ST8SIA1: variants seen among roughly 807,000 people sequenced by gnomAD.
ST8SIA1 encodes ST8 alpha-N-acetyl-neuraminide alpha-2,8-sialyltransferase 1, also known as alpha-N-acetylneuraminide alpha-2,8-sialyltransferase.
Under a neutral mutation model 35.9 loss-of-function variants are expected in ST8SIA1, and 16 were observed. That is an observed-to-expected ratio of 0.45 (90% CI 0.30 to 0.68). The LOEUF is 0.68. Among genes scored for constraint, ST8SIA1 ranks in the 30% least tolerant of loss-of-function variants. ST8SIA1 has a pLI of 0.09. For missense variants in ST8SIA1, 383 were observed against 453.6 expected (o/e 0.84, Z 1.41); for synonymous variants, 170 against 169.6 (o/e 1.00, Z -0.02).
chr12:22,268,339 CCTACA>C (rs1865870596), intron 2 of ST8SIA1, among the ~76,000 whole-genome samples: 6 of 152,100 alleles, frequency 3.9e-5, no homozygotes, highest in Admixed American at 3.3e-4. Flanking sequence ...AAATGAAATG[CCTACA>C]CAATTCAAGC....
intron 4 of ST8SIA1, among the ~76,000 whole-genome samples, chr12:22,247,357 T>C (rs1206463879): frequency 6.6e-6 from 1 of 152,136 alleles, no homozygotes; most frequent in African/African-American, 2.4e-5. Flanking sequence ...GATGTCACCT[T>C]TGGGGGAAAC....
At chr12:22,215,680 C>T (rs1591825723) in intron 4 of ST8SIA1, among the ~76,000 whole-genome samples, 1 of 152,194 alleles carries the variant, frequency 6.6e-6, no homozygotes, top group Non-Finnish European at 1.5e-5. Context: ...GAAAAGATTG[C>T]ACAACCATCC....
intron 1 of ST8SIA1, among the ~76,000 whole-genome samples, chr12:22,296,869 C>A (rs1366916758): frequency 6.6e-6 from 1 of 152,130 alleles, no homozygotes; most frequent in African/African-American, 2.4e-5. Flanking sequence ...TCACAAGTAC[C>A]AGTCACCACA....
At chr12:22,264,795 T>C (rs1389218026) in intron 2 of ST8SIA1, among the ~76,000 whole-genome samples, 1 of 152,216 alleles carries the variant, frequency 6.6e-6, no homozygotes, top group East Asian at 1.9e-4. Context: ...TGAAAACAAA[T>C]TTCCAGAAAG....
At position 22,198,189 on chromosome 12, in the gene ST8SIA1, A is replaced by AC. The variant is rs1410816026; in HGVS notation, c.*3362dup. 6.6e-6 allele frequency: 1 copy of AC among 152,042 alleles called. No individual in the cohort carries two copies. The highest frequency in any genetic ancestry group is 2.4e-5 in the African/African-American group (1 of 41,380). 9.4% of individuals were successfully genotyped at this position (152,042 alleles called of 1,614,324 possible). On this transcript the variant is annotated 3_prime_UTR_variant, in exon 5 of 5. Coordinates refer to ENST00000396037, the MANE Select transcript of ST8SIA1 (RefSeq NM_003034.4). ...ATGGATCAGCCTAATTTTTATGACT[A>AC]CACAACAATTTTTTTAATTAGTCTG...
At chr12:22,211,734 G>A (rs147974590) in intron 4 of ST8SIA1, among the ~76,000 whole-genome samples, 14 of 151,936 alleles carry the variant, frequency 9.2e-5, no homozygotes, top group Non-Finnish European at 1.8e-4. Flanking sequence ...TTGAGATGGC[G>A]TCTCGCTCAC....
At chr12:22,272,508 T>C (rs1865922766) in intron 2 of ST8SIA1, among the ~76,000 whole-genome samples, 1 of 152,236 alleles carries the variant, frequency 6.6e-6, no homozygotes, top group African/African-American at 2.4e-5. Context: ...TTGACTGGCT[T>C]GTTTCCTAAA....
At chr12:22,231,774 C>T (rs935334848) in intron 4 of ST8SIA1, among the ~76,000 whole-genome samples, 12 of 152,026 alleles carry the variant, frequency 7.9e-5, no homozygotes, top group Admixed American at 1.3e-4. Flanking sequence ...GGGGTTTCAC[C>T]GTGTTAGCCA....
chr12:22,266,537 C>T (rs1865850948), intron 2 of ST8SIA1, among the ~76,000 whole-genome samples: 1 of 151,706 alleles, frequency 6.6e-6, no homozygotes, highest in South Asian at 2.1e-4. Flanking sequence ...TGGTGGCTCA[C>T]ATCTATAATC....
chr12:22,334,209 C>A lies in ST8SIA1; in HGVS notation c.24G>T (p.Arg8=), dbSNP rs1186270017. ...CCATGGCCCCTCTGGACGTTTGTCG[C>A]CGGGCCCGCCCGCAGGGGCTCATCG... MSPCGRA[R]RQTSRGAMAV... Residue 8 remains arginine, a synonymous_variant, in exon 1 of 5, where the codon CGG becomes CGT. Coordinates refer to ENST00000396037, the MANE Select transcript of ST8SIA1 (RefSeq NM_003034.4). 2 of 1,612,716 alleles carry A rather than the reference C, an allele frequency of 1.2e-6. No homozygotes were observed. Among genetic ancestry groups the A allele is most frequent in the East Asian group, 4.5e-5 (2 of 44,848 alleles).
At chr12:22,255,223 G>T in intron 3 of ST8SIA1, 57 bp downstream of exon 3, 3 of 1,396,272 alleles carry the variant, frequency 2.1e-6, no homozygotes, top group Non-Finnish European at 3.1e-6. Flanking sequence ...AGGGCTTATG[G>T]GAGGGGTGGG....
intron 1 of ST8SIA1, among the ~76,000 whole-genome samples, chr12:22,307,736 T>C (rs10841987): frequency 0.2 from 31,079 of 152,162 alleles, 3,788 homozygotes; most frequent in African/African-American, 0.35. Flanking sequence ...TGATGTCTTT[T>C]GTCTGCTATT....
chr12:22,209,545 A>G (rs1865154268), intron 4 of ST8SIA1, among the ~76,000 whole-genome samples: 1 of 152,222 alleles, frequency 6.6e-6, no homozygotes, highest in Admixed American at 6.5e-5. Context: ...AAATGGGAGT[A>G]TGAATTGCCA....
chr12:22,264,729 A>T (rs996326366), intron 2 of ST8SIA1, among the ~76,000 whole-genome samples: 7 of 152,220 alleles, frequency 4.6e-5, no homozygotes, highest in Non-Finnish European at 4.4e-5. Context: ...CATGTTAATT[A>T]TAGAATATTT....
chr12:22,320,979 GAAAGAAAGAAAGAAAGAAAGAAAGAAGA>G (rs1866585404), intron 1 of ST8SIA1, among the ~76,000 whole-genome samples: 9 of 100,798 alleles, frequency 8.9e-5, no homozygotes, highest in African/African-American at 4.2e-4. Flanking sequence ...AAGAAAGAAA[GAAAGAAAGAAAGAAAGAAAGAAAGAAGA>G]AAGAAAGAAA....
Position 22,334,113 on chromosome 12 carries a change from G to A in ST8SIA1, c.120C>T (p.Leu40=). ...AGACGGGGAAGATGTAGAGCCAACA[G>A]AGGACCACGACACAGAGGGCACTGG... ...MGASALCVVV[L]CWLYIFPVYR... is the part of the protein sequence containing the mutation. Residue 40 remains leucine (L), a synonymous_variant, in exon 1 of 5, where the codon CTC becomes CTT. Coordinates refer to ENST00000396037, the MANE Select transcript of ST8SIA1 (RefSeq NM_003034.4). 1 of 1,614,098 alleles carries A rather than the reference G, an allele frequency of 6.2e-7. No individual in the cohort carries two copies. Among genetic ancestry groups the A allele is most frequent in the Non-Finnish European group, 8.5e-7 (1 of 1,180,008 alleles).
At chr12:22,246,620 T>C (rs1365912123) in intron 4 of ST8SIA1, among the ~76,000 whole-genome samples, 2 of 152,016 alleles carry the variant, frequency 1.3e-5, no homozygotes, top group Non-Finnish European at 2.9e-5. Flanking sequence ...GTCTTCTGTG[T>C]TGTAGTGTGA....
Position 22,287,293 on chromosome 12 carries a change from C to T in ST8SIA1, c.237G>A (p.Arg79=). Residue 79 remains arginine (R), a splice_region_variant and synonymous_variant, in exon 2 of 5, where the codon AGG becomes AGA. Transcript: ENST00000396037. ...RRNQTAARAF[R]KQMEDCCDPA... The stretch of plus-strand genomic sequence containing the variant: ...GGTCGCAGCAGTCTTCCATTTGTTT[C>T]CTAGGAGAGAAAACAGAGAGAGAGA... The T allele has an allele frequency of 1.9e-6, 3 of 1,609,642 alleles. No individual in the cohort carries two copies. Among genetic ancestry groups the T allele is most frequent in the Middle Eastern group, 1.7e-4 (1 of 6,022 alleles).
At chr12:22,285,863 G>T (rs1450618328) in intron 2 of ST8SIA1, among the ~76,000 whole-genome samples, 1 of 66,672 alleles carries the variant, frequency 1.5e-5, no homozygotes, top group African/African-American at 7.8e-5. Flanking sequence ...GAGTAAGTAA[G>T]ACTCTGTCAA....
Sources: allele counts gnomAD v4.1 joint callset (sites outside exome capture counted in the v4.1 genomes callset), GRCh38; gene constraint gnomAD v4.1.1; transcripts MANE v1.5; gene names NCBI Gene and HGNC (gene_info 2026-07-23, HGNC 2026-07-21).